The following VPS13B variants were observed in gnomAD, a reference collection of about 807,000 sequenced individuals.
The protein encoded by VPS13B is vacuolar protein sorting 13 homolog B, also known as intermembrane lipid transfer protein VPS13B.
A neutral mutation model predicts 426.4 loss-of-function variants in VPS13B; 285 were observed. The observed-to-expected ratio is 0.67, with a 90% confidence interval of 0.61 to 0.74. VPS13B has a LOEUF of 0.74. VPS13B is among the 30% of genes least tolerant of loss of function. The probability of loss-of-function intolerance (pLI) is 0.00; values close to 1 mark genes in which losing one functional copy is unlikely to be tolerated. For missense variants in VPS13B, 4,537 were observed against 4,782.6 expected, an observed-to-expected ratio of 0.95 and a Z score of 1.51; for synonymous variants, 1,676 against 1,676.4, an observed-to-expected ratio of 1.00 and a Z score of 0.01.
intron 52 of VPS13B, among the ~76,000 whole-genome samples, chr8:99,833,750 A>G (rs1457498377): frequency 6.6e-6 from 1 of 152,260 alleles, no homozygotes; most frequent in African/African-American, 2.4e-5. Context: ...AATTAAGCTT[A>G]AAATTCTGAT....
chr8:99,336,369 TG>T (rs1261824192), intron 19 of VPS13B, among the ~76,000 whole-genome samples: 2 of 152,118 alleles, frequency 1.3e-5, no homozygotes. Flanking sequence ...TAATTCAAGA[TG>T]GATTAAAGAC....
chr8:99,079,112 C>T (rs983950422), intron 3 of VPS13B, among the ~76,000 whole-genome samples: 1 of 152,016 alleles, frequency 6.6e-6, no homozygotes, highest in African/African-American at 2.4e-5. Flanking sequence ...TGGGCGTAGG[C>T]AATGTTGGTG....
chr8:99,413,138 A>G (rs528653538), intron 21 of VPS13B, among the ~76,000 whole-genome samples: 9 of 152,256 alleles, frequency 5.9e-5, no homozygotes, highest in African/African-American at 2.2e-4. Flanking sequence ...GAATAGTACC[A>G]GCTCCTCTTT....
rs950553006 is a variant in VPS13B at position 99,476,650 on chromosome 8, C to G, written c.3667-4949C>G. 2.0e-5 allele frequency among the ~76,000 whole-genome samples: 3 copies of G among 151,952 alleles called. No homozygotes were observed. In the South Asian group the frequency reaches 6.2e-4, roughly 32 times the overall value. Reference sequence around the variant, plus strand: ...ACAGCTTACTTCTCGTAAGAAACCACGAAGGCCAGAAGAACATCTTTAAAT... The same window carrying G: ...ACAGCTTACTTCTCGTAAGAAACCAGGAAGGCCAGAAGAACATCTTTAAAT... On this transcript the variant is annotated intron_variant, in intron 24 of 61. Transcript: ENST00000357162.
chr8:99,137,658 A>G (rs1358449484), intron 12 of VPS13B, among the ~76,000 whole-genome samples: 3 of 152,106 alleles, frequency 2.0e-5, no homozygotes, highest in Non-Finnish European at 4.4e-5. Context: ...TGCTTTTGGA[A>G]TGGTTTCTAA....
intron 30 of VPS13B, chr8:99,536,951 C>T (rs941172386): frequency 7.6e-6 from 3 of 393,048 alleles, no homozygotes; most frequent in Admixed American, 6.9e-5. Context: ...GATGATAGAA[C>T]TTATATTAAT....
chr8:99,804,958 C>A (rs1477001155), intron 43 of VPS13B, among the ~76,000 whole-genome samples: 1 of 151,954 alleles, frequency 6.6e-6, no homozygotes, highest in Non-Finnish European at 1.5e-5. Context: ...TATGATGACA[C>A]CACTGCACTC....
At chr8:99,128,762 A>G (rs1412451171) in intron 8 of VPS13B, among the ~76,000 whole-genome samples, 1 of 151,522 alleles carries the variant, frequency 6.6e-6, no homozygotes. Flanking sequence ...TTCTGTTCCC[A>G]TGGTTTTAAA....
At chr8:99,271,912 A>G (rs1818630285) in intron 17 of VPS13B, among the ~76,000 whole-genome samples, 2 of 152,232 alleles carry the variant, frequency 1.3e-5, no homozygotes, top group Admixed American at 6.5e-5. Context: ...GGGTGGGGAC[A>G]CAAAGCTAAA....
In VPS13B at chr8:99,537,197, T is replaced by G. The variant is rs149709685; in HGVS notation, c.4745+16187T>G. Reference sequence around the variant, plus strand: ...TTGAAAATGTCTATCATCAAAAATTTAGCAGCCTTTTTTGGAATAGTGCAC... The same window carrying G: ...TTGAAAATGTCTATCATCAAAAATTGAGCAGCCTTTTTTGGAATAGTGCAC... On this transcript the variant is annotated intron_variant, in intron 30 of 61. Coordinates refer to ENST00000357162, the MANE Select transcript of VPS13B (RefSeq NM_152564.5). Among the ~76,000 whole-genome samples, 3 of 152,294 alleles carry G rather than the reference T, an allele frequency of 2.0e-5. No homozygotes were observed. The East Asian group carries it at 5.8e-4, about 29-fold the overall frequency.
At chr8:99,046,772 G>T (rs1001844658) in intron 3 of VPS13B, among the ~76,000 whole-genome samples, 1 of 151,650 alleles carries the variant, frequency 6.6e-6, no homozygotes, top group African/African-American at 2.4e-5. Context: ...TATTTTTTTT[G>T]AATGCTTTTT....
At chr8:99,176,907 T>C (rs553011575) in intron 16 of VPS13B, among the ~76,000 whole-genome samples, 9 of 152,178 alleles carry the variant, frequency 5.9e-5, no homozygotes, top group Non-Finnish European at 1.3e-4. Flanking sequence ...GAAAGAGGTT[T>C]GGCTTAAAAA....
At chr8:99,310,500 C>T (rs868689305) in intron 19 of VPS13B, among the ~76,000 whole-genome samples, 4 of 152,110 alleles carry the variant, frequency 2.6e-5, no homozygotes, top group Middle Eastern at 3.4e-3. Context: ...TATTGATTTG[C>T]GTATGTTGAA....
intron 2 of VPS13B, 51 bp from the exon 3 acceptor site, chr8:99,038,372 T>TA: frequency 7.0e-7 from 1 of 1,419,460 alleles, no homozygotes; most frequent in Non-Finnish European, 9.5e-7. Flanking sequence ...CATATTATAA[T>TA]AAAAAATATT....
At chr8:99,814,811 G>A (rs978549216) in intron 44 of VPS13B, among the ~76,000 whole-genome samples, 16 of 152,162 alleles carry the variant, frequency 1.1e-4, no homozygotes, top group Non-Finnish European at 2.1e-4. Context: ...GGGAAGAGAA[G>A]CAATGGTGTC....
intron 16 of VPS13B, among the ~76,000 whole-genome samples, chr8:99,183,258 A>T (rs968463943): frequency 6.6e-6 from 1 of 152,204 alleles, no homozygotes; most frequent in African/African-American, 2.4e-5. Flanking sequence ...TTGAGACATT[A>T]TGCCCCGCTG....
chr8:99,458,978 T>A (rs922452921), intron 23 of VPS13B, among the ~76,000 whole-genome samples: 2 of 152,268 alleles, frequency 1.3e-5, no homozygotes, highest in African/African-American at 4.8e-5. Context: ...GGTGTTTTAG[T>A]CATGAAGTCC....
At chr8:99,417,490 A>T (rs1001452539) in intron 21 of VPS13B, among the ~76,000 whole-genome samples, 1 of 152,186 alleles carries the variant, frequency 6.6e-6, no homozygotes, top group Non-Finnish European at 1.5e-5. Context: ...TGCTTCTTAA[A>T]CATCTCATGA....
At chr8:99,263,337 G>C (rs1483565272) in intron 17 of VPS13B, among the ~76,000 whole-genome samples, 1 of 152,140 alleles carries the variant, frequency 6.6e-6, no homozygotes, top group Non-Finnish European at 1.5e-5. Flanking sequence ...TATCTGCATA[G>C]TTACTATTGA....
Sources: gnomAD v4.1 joint callset for allele counts (sites outside exome capture counted in the v4.1 genomes callset) on GRCh38, gnomAD v4.1.1 for gene constraint, MANE v1.5 for transcripts, NCBI Gene and HGNC (gene_info 2026-07-23, HGNC 2026-07-21) for gene names.